MALRD1: variants seen among roughly 807,000 people sequenced by gnomAD.
MALRD1 encodes MAM and LDL-receptor class A domain-containing protein 1.
A neutral mutation model predicts 242.1 loss-of-function variants in MALRD1; 247 were observed. That is an observed-to-expected ratio of 1.02 (90% confidence interval 0.92 to 1.13). The LOEUF (loss-of-function observed/expected upper bound fraction) is 1.13. Ranked by LOEUF, MALRD1 falls within the 50% of genes most tolerant of loss-of-function variation. MALRD1 has a pLI of 0.00. For missense variants in MALRD1, 2,989 were observed against 2,533.1 expected (o/e 1.18, Z -3.86); for synonymous variants, 995 against 866.6 (o/e 1.15, Z -2.60).
At position 19,327,646 on chromosome 10, in the gene MALRD1, G is replaced by A. The variant is rs1806872392; in HGVS notation, c.3660G>A (p.Val1220=). 2 of 1,549,752 alleles carry A rather than the reference G, an allele frequency of 1.3e-6. No homozygotes were observed. The highest frequency in any genetic ancestry group is 2.0e-5 in the Admixed American group (1 of 50,964). The change falls in exon 23 of 40, where the codon GTG becomes GTA. Residue 1220 remains valine, a synonymous_variant. Transcript: ENST00000454679. ...QQGAQWKRAE[V]FLGIRSHTQI... ...GTGCACAGTGGAAGAGAGCAGAAGTGTTTTTAGGCATTCGTTCACATACAC... is the reference window on the plus strand; with the variant it reads ...GTGCACAGTGGAAGAGAGCAGAAGTATTTTTAGGCATTCGTTCACATACAC...
At chr10:19,556,458 T>A (rs1157725683) in intron 32 of MALRD1, among the ~76,000 whole-genome samples, 2 of 152,118 alleles carry the variant, frequency 1.3e-5, no homozygotes, top group South Asian at 2.1e-4. Flanking sequence ...AAACCCTTTT[T>A]TTTACTGTCT....
intron 32 of MALRD1, among the ~76,000 whole-genome samples, chr10:19,539,852 TTGTGCGTG>T (rs768033997): frequency 7.8e-5 from 5 of 64,372 alleles, no homozygotes; most frequent in African/African-American, 2.5e-4. Context: ...ACACCCAGCT[TTGTGCGTG>T]TGTGTGTGTG....
chr10:19,104,896 T>C (rs1303210417), intron 5 of MALRD1, among the ~76,000 whole-genome samples: 1 of 152,120 alleles, frequency 6.6e-6, no homozygotes, highest in African/African-American at 2.4e-5. Context: ...ATTTTATTTT[T>C]AATTGACACA....
At chr10:19,473,058 T>A (rs1836572086) in intron 29 of MALRD1, among the ~76,000 whole-genome samples, 1 of 149,826 alleles carries the variant, frequency 6.7e-6, no homozygotes, top group South Asian at 2.1e-4. Context: ...AAGCTAAACA[T>A]TTTTGGCATC....
intron 11 of MALRD1, among the ~76,000 whole-genome samples, chr10:19,148,153 C>A (rs1467245627): frequency 6.6e-6 from 1 of 151,920 alleles, no homozygotes; most frequent in Admixed American, 6.6e-5. Flanking sequence ...GTCAAAAAAA[C>A]ATGGATGTGC....
intron 19 of MALRD1, among the ~76,000 whole-genome samples, chr10:19,270,219 G>A (rs1341379769): frequency 6.6e-6 from 1 of 152,124 alleles, no homozygotes; most frequent in Non-Finnish European, 1.5e-5. Context: ...AGGACGCTGA[G>A]GCACAAGAAT....
At chr10:19,449,785 GA>G (rs1269507092) in intron 28 of MALRD1, among the ~76,000 whole-genome samples, 1 of 152,146 alleles carries the variant, frequency 6.6e-6, no homozygotes, top group Non-Finnish European at 1.5e-5. Context: ...AAACCTCCAT[GA>G]CAGGAGTTTG....
intron 29 of MALRD1, among the ~76,000 whole-genome samples, chr10:19,463,124 A>T (rs1836028304): frequency 6.6e-6 from 1 of 152,042 alleles, no homozygotes; most frequent in Admixed American, 6.6e-5. Context: ...AGCCTACCAC[A>T]ATTTCTTATA....
At position 19,167,907 on chromosome 10, in the gene MALRD1, T is replaced by C. The variant is rs138085977; in HGVS notation, c.1830+2097T>C. Among the ~76,000 whole-genome samples, 326 of 152,338 alleles carry C rather than the reference T, an allele frequency of 2.1e-3. 1 individual carries two copies. Among genetic ancestry groups the C allele is most frequent in the Non-Finnish European group, 3.4e-3 (234 of 68,012 alleles). On this transcript the variant is annotated intron_variant, in intron 13 of 39. Coordinates refer to ENST00000454679, the MANE Select transcript of MALRD1 (RefSeq NM_001142308.3). ...ATAAGCATCAACTGTAATCAATTAC[T>C]GTTCTCTACTTTATACAGTTATTGT...
intron 33 of MALRD1, among the ~76,000 whole-genome samples, chr10:19,575,792 C>G (rs777782507): frequency 8.5e-5 from 13 of 152,122 alleles, no homozygotes; most frequent in Non-Finnish European, 1.3e-4. Flanking sequence ...TTTCTTCTCC[C>G]AGTTTCTTTT....
chr10:19,275,501 T>G (rs2131861648), intron 19 of MALRD1, among the ~76,000 whole-genome samples: 1 of 152,164 alleles, frequency 6.6e-6, no homozygotes, highest in Admixed American at 6.5e-5. Flanking sequence ...ACCCCGTCTC[T>G]ACTAAAAATA....
chr10:19,459,464 G>T (rs1210564845), intron 29 of MALRD1, among the ~76,000 whole-genome samples: 3 of 152,030 alleles, frequency 2.0e-5, no homozygotes, highest in Non-Finnish European at 2.9e-5. Flanking sequence ...TCAACTAACT[G>T]CATTGTTCTT....
chr10:19,066,973 T>A, intron 2 of MALRD1, 114 bp downstream of exon 2: 3 of 721,868 alleles, frequency 4.2e-6, no homozygotes, highest in Non-Finnish European at 5.8e-6. Context: ...ACCACATGTT[T>A]AATTAGGGAA....
At chr10:19,601,713 G>C (rs1156567862) in intron 34 of MALRD1, among the ~76,000 whole-genome samples, 1 of 151,748 alleles carries the variant, frequency 6.6e-6, no homozygotes, top group Non-Finnish European at 1.5e-5. Flanking sequence ...GCTCTTTATT[G>C]AACAGTCAAC....
intron 28 of MALRD1, among the ~76,000 whole-genome samples, chr10:19,397,606 G>A (rs999187689): frequency 6.6e-6 from 1 of 152,020 alleles, no homozygotes; most frequent in African/African-American, 2.4e-5. Flanking sequence ...ACCCAGTAGT[G>A]GATTTGGTAG....
intron 28 of MALRD1, among the ~76,000 whole-genome samples, chr10:19,409,821 TA>T (rs1281535787): frequency 6.6e-6 from 1 of 152,198 alleles, no homozygotes; most frequent in African/African-American, 2.4e-5. Flanking sequence ...ATTTAGCTTT[TA>T]TATAGCCAAA....
intron 29 of MALRD1, among the ~76,000 whole-genome samples, chr10:19,465,360 T>A (rs1836166647): frequency 6.6e-6 from 1 of 152,156 alleles, no homozygotes; most frequent in African/African-American, 2.4e-5. Context: ...CATAAACGGT[T>A]TTTTATAAGG....
chr10:19,062,672 C>T (rs1256285190), intron 1 of MALRD1, among the ~76,000 whole-genome samples: 2 of 152,102 alleles, frequency 1.3e-5, no homozygotes, highest in Admixed American at 1.3e-4. Flanking sequence ...ATGTGAGTTA[C>T]CTACAATACT....
chr10:19,209,748 G>A lies in MALRD1; in HGVS notation c.2991+68G>A, dbSNP rs1415276144. 1.6e-5 allele frequency: 22 copies of A among 1,376,600 alleles called. No homozygotes were observed. The East Asian group carries it at 3.5e-4, about 22-fold the overall frequency. The allele number at this position is 1,376,600 out of a possible 1,614,324, so 85.3% of individuals were successfully genotyped here. On this transcript the variant is annotated intron_variant, in intron 18 of 39. Transcript: ENST00000454679. Reference sequence around the variant, plus strand: ...GAATGTCTAAGGAATATGAAAGATCGCTGTATTCTCTAATTAAAAGCAAGT... The same window carrying A: ...GAATGTCTAAGGAATATGAAAGATCACTGTATTCTCTAATTAAAAGCAAGT...
Sources: gnomAD v4.1 joint callset for allele counts (sites outside exome capture counted in the v4.1 genomes callset) on GRCh38, gnomAD v4.1.1 for gene constraint, MANE v1.5 for transcripts, NCBI Gene and HGNC (gene_info 2026-07-23, HGNC 2026-07-21) for gene names.